TESK2: variants seen among roughly 807,000 people sequenced by gnomAD.
TESK2 encodes the protein dual specificity testis-specific protein kinase 2.
In TESK2, 39 loss-of-function variants were observed where a neutral mutation model predicts 57.1. That is an observed-to-expected ratio of 0.68 (90% CI 0.53 to 0.89). The LOEUF (loss-of-function observed/expected upper bound fraction) is 0.89. Ranked by LOEUF, TESK2 falls within the 40% of genes least tolerant of loss-of-function variation. TESK2 has a pLI of 0.00. For synonymous variants in TESK2, 249 were observed against 267.9 expected, an observed-to-expected ratio of 0.93 and a Z score of 0.69; for missense variants, 646 against 732.1, an observed-to-expected ratio of 0.88 and a Z score of 1.36.
intron 4 of TESK2, among the ~76,000 whole-genome samples, chr1:45,377,925 C>T (rs2149272130): frequency 6.6e-6 from 1 of 151,924 alleles, no homozygotes; most frequent in South Asian, 2.1e-4. Context: ...ACTTGGGAGG[C>T]TAAAGCAGGA....
intron 3 of TESK2, among the ~76,000 whole-genome samples, chr1:45,412,276 G>A (rs1650064033): frequency 6.6e-6 from 1 of 152,226 alleles, no homozygotes; most frequent in Non-Finnish European, 1.5e-5. Flanking sequence ...AGGTGAAAGT[G>A]AAGAAGGCTG....
At chr1:45,352,312 C>T (rs1297909548) in intron 5 of TESK2, among the ~76,000 whole-genome samples, 5 of 152,224 alleles carry the variant, frequency 3.3e-5, no homozygotes, top group African/African-American at 1.2e-4. Flanking sequence ...GTTATTTCTC[C>T]TATGTTCCTA....
chr1:45,402,338 G>T (rs1323586179), intron 3 of TESK2, among the ~76,000 whole-genome samples: 1 of 149,612 alleles, frequency 6.7e-6, no homozygotes, highest in Admixed American at 6.7e-5. Flanking sequence ...GCTATAGTGA[G>T]CTATGACCAT....
chr1:45,357,567 A>G (rs1233789303), intron 4 of TESK2, among the ~76,000 whole-genome samples: 4 of 150,556 alleles, frequency 2.7e-5, no homozygotes, highest in Admixed American at 6.6e-5. Context: ...AGTAAAAAAA[A>G]AAAAAAAGAA....
intron 1 of TESK2, among the ~76,000 whole-genome samples, chr1:45,484,681 G>A (rs1172105729): frequency 3.3e-5 from 5 of 151,866 alleles, no homozygotes; most frequent in Admixed American, 3.3e-4. Flanking sequence ...GCAGAAAGCC[G>A]AGACTGCGCC....
chr1:45,356,438 C>T (rs915839768), intron 4 of TESK2, among the ~76,000 whole-genome samples: 2 of 151,732 alleles, frequency 1.3e-5, no homozygotes, highest in African/African-American at 4.8e-5. Flanking sequence ...CCGGCCTGAA[C>T]AGCATAGTGA....
chr1:45,446,225 C>T (rs1314479743), intron 2 of TESK2, among the ~76,000 whole-genome samples: 1 of 150,552 alleles, frequency 6.6e-6, no homozygotes, highest in African/African-American at 2.4e-5. Flanking sequence ...TCAAGATATC[C>T]AAGGTAGGCG....
chr1:45,374,189 A>G (rs141476865), intron 4 of TESK2, among the ~76,000 whole-genome samples: 6 of 152,374 alleles, frequency 3.9e-5, no homozygotes, highest in African/African-American at 1.4e-4. Flanking sequence ...ATATCTTTGC[A>G]GCTAACAGTT....
At position 45,347,902 on chromosome 1, in the gene TESK2, C is replaced by T. The variant is rs547828702; in HGVS notation, c.623+16G>A. 2 of 1,602,126 alleles carry T rather than the reference C, an allele frequency of 1.2e-6. No homozygotes were observed. The highest frequency in any genetic ancestry group is 1.3e-5 in the African/African-American group (1 of 74,780). On this transcript the variant is annotated intron_variant, in intron 6 of 10. Transcript: ENST00000372086. ...CCCCTGTCCCTTGGACCCCAGCATC[C>T]AGTAGGGCTACACACCTGACATCGG...
At chr1:45,480,493 A>G (rs1239461564) in intron 1 of TESK2, among the ~76,000 whole-genome samples, 1 of 151,592 alleles carries the variant, frequency 6.6e-6, no homozygotes, top group Non-Finnish European at 1.5e-5. Flanking sequence ...ACTTCTGTGA[A>G]TTTATCCCAC....
intron 1 of TESK2, among the ~76,000 whole-genome samples, chr1:45,482,361 C>T (rs576246252): frequency 5.9e-5 from 9 of 151,850 alleles, no homozygotes; most frequent in African/African-American, 2.2e-4. Context: ...GACCATGCCT[C>T]TACAAAAAAA....
At chr1:45,420,825 T>G (rs1368516295) in intron 3 of TESK2, among the ~76,000 whole-genome samples, 1 of 151,712 alleles carries the variant, frequency 6.6e-6, no homozygotes, top group Admixed American at 6.6e-5. Flanking sequence ...CCTGACCTCA[T>G]GATCCGCCTG....
intron 2 of TESK2, among the ~76,000 whole-genome samples, chr1:45,444,320 A>C (rs922157726): frequency 3.9e-5 from 6 of 152,190 alleles, no homozygotes; most frequent in Non-Finnish European, 8.8e-5. Context: ...AGACTATATT[A>C]TATGCAACCA....
intron 3 of TESK2, among the ~76,000 whole-genome samples, chr1:45,386,708 C>A (rs1436993010): frequency 6.6e-6 from 1 of 151,880 alleles, no homozygotes; most frequent in Non-Finnish European, 1.5e-5. Flanking sequence ...AGCTGGAGTA[C>A]AGTGGCATGA....
rs138692220 is a variant in TESK2 at position 45,434,723 on chromosome 1, T to C, written c.223-12877A>G. Among the ~76,000 whole-genome samples, 540 of 152,144 alleles carry C rather than the reference T, an allele frequency of 3.5e-3. 1 individual carries two copies. Among genetic ancestry groups the C allele is most frequent in the African/African-American group, 0.012 (518 of 41,528 alleles). On this transcript the variant is annotated intron_variant, in intron 2 of 10. Coordinates refer to ENST00000372086, the MANE Select transcript of TESK2 (RefSeq NM_007170.3). ...ATTTTTTACTGTTGAGTTGTTTGAG[T>C]TCCTTGTATATTCCAAATATTAGCC...
intron 2 of TESK2, among the ~76,000 whole-genome samples, chr1:45,455,817 G>A (rs1652065350): frequency 1.3e-5 from 2 of 151,878 alleles, no homozygotes; most frequent in Admixed American, 1.3e-4. Flanking sequence ...AAAGAAGCTG[G>A]AAATGGTACA....
At chr1:45,453,153 C>G (rs1651938192) in intron 2 of TESK2, among the ~76,000 whole-genome samples, 1 of 151,750 alleles carries the variant, frequency 6.6e-6, no homozygotes. Flanking sequence ...TCAACACCAG[C>G]CTTAACATGG....
At chr1:45,404,088 A>T (rs1285273673) in intron 3 of TESK2, among the ~76,000 whole-genome samples, 2 of 152,146 alleles carry the variant, frequency 1.3e-5, no homozygotes, top group Admixed American at 1.3e-4. Flanking sequence ...TTTATTCTAA[A>T]ATTACTTATA....
intron 3 of TESK2, among the ~76,000 whole-genome samples, chr1:45,413,095 T>C (rs1310848627): frequency 6.6e-6 from 1 of 152,194 alleles, no homozygotes; most frequent in Non-Finnish European, 1.5e-5. Flanking sequence ...GTTACAGATC[T>C]TGAGCATAAG....
Sources: allele counts gnomAD v4.1 joint callset (sites outside exome capture counted in the v4.1 genomes callset), GRCh38; gene constraint gnomAD v4.1.1; transcripts MANE v1.5; gene names NCBI Gene and HGNC (gene_info 2026-07-23, HGNC 2026-07-21).